The following CNBD1 variants were observed in gnomAD, a reference collection of about 807,000 sequenced individuals.
CNBD1 encodes the protein cyclic nucleotide-binding domain-containing protein 1.
A neutral mutation model predicts 54.4 loss-of-function variants in CNBD1; 71 were observed. That is an observed-to-expected ratio of 1.30 (90% CI 1.08 to 1.59). The LOEUF (loss-of-function observed/expected upper bound fraction) is 1.59. Among genes scored for constraint, CNBD1 ranks in the 40% most tolerant of loss-of-function variants. The pLI, the probability that CNBD1 is intolerant of heterozygous loss-of-function variation, is 0.00. For synonymous variants in CNBD1, 182 were observed against 170.7 expected (o/e 1.07, Z -0.51); for missense variants, 659 against 518.0 (o/e 1.27, Z -2.64).
chr8:87,026,363 CTCTCCCTCCCTCCCT>C (rs2130585508), intron 4 of CNBD1, among the ~76,000 whole-genome samples: 2 of 151,380 alleles, frequency 1.3e-5, no homozygotes, highest in East Asian at 3.9e-4. Flanking sequence ...CTCCCTCCCT[CTCTCCCTCCCTCCCT>C]TCTTCCCTTT....
At chr8:87,421,326 A>C (rs1017072646) in intron 2 of CNBD1, among the ~76,000 whole-genome samples, 4 of 150,792 alleles carry the variant, frequency 2.7e-5, no homozygotes, top group Non-Finnish European at 5.9e-5. Context: ...CACATTGTGC[A>C]GGTTAGTTAC....
chr8:87,175,150 G>A (rs539416476), intron 4 of CNBD1, among the ~76,000 whole-genome samples: 54 of 152,246 alleles, frequency 3.5e-4, no homozygotes, highest in African/African-American at 1.0e-3. Flanking sequence ...TGTTTCCTTC[G>A]CTTCAGGGTG....
At position 87,185,382 on chromosome 8, in the gene CNBD1, A is replaced by G. The variant is rs188591149; in HGVS notation, c.432-20611A>G. On this transcript the variant is annotated intron_variant, in intron 4 of 10. Transcript: ENST00000518476. Reference sequence around the variant, plus strand: ...GCGTAGTAATTTTTTATTGGGTGCCAGTTATTTTAATTTTACCTTGGTGGC... The same window carrying G: ...GCGTAGTAATTTTTTATTGGGTGCCGGTTATTTTAATTTTACCTTGGTGGC... Among the ~76,000 whole-genome samples the G allele has an allele frequency of 3.0e-3, 452 of 152,232 alleles. 7 individuals carry two copies. The Middle Eastern group carries it at 0.034, about 11-fold the overall frequency.
At chr8:87,318,072 T>A (rs1809437242) in intron 8 of CNBD1, among the ~76,000 whole-genome samples, 1 of 151,984 alleles carries the variant, frequency 6.6e-6, no homozygotes, top group Admixed American at 6.6e-5. Context: ...TTATATTATG[T>A]TTTTACTTAA....
At chr8:86,895,361 T>G (rs1808834770) in intron 2 of CNBD1, among the ~76,000 whole-genome samples, 4 of 152,188 alleles carry the variant, frequency 2.6e-5, no homozygotes, top group Admixed American at 2.6e-4. Flanking sequence ...TCCATTCACT[T>G]ATTGAAGCAC....
At chr8:87,317,537 T>C (rs1405869787) in intron 8 of CNBD1, among the ~76,000 whole-genome samples, 1 of 151,784 alleles carries the variant, frequency 6.6e-6, no homozygotes, top group Non-Finnish European at 1.5e-5. Flanking sequence ...ATTAATTGTG[T>C]AATTATTTTG....
chr8:87,066,948 A>G (rs1170607453), intron 4 of CNBD1, among the ~76,000 whole-genome samples: 3 of 152,002 alleles, frequency 2.0e-5, no homozygotes, highest in African/African-American at 7.2e-5. Flanking sequence ...GTTTGTAAAG[A>G]AAAAGCTTTG....
intron 8 of CNBD1, among the ~76,000 whole-genome samples, chr8:87,308,068 C>T (rs141589934): frequency 8.9e-4 from 135 of 152,172 alleles, no homozygotes; most frequent in Non-Finnish European, 9.6e-4. Context: ...GTCTTTACAG[C>T]CAACAAGCGA....
chr8:86,942,911 G>T (rs1458911602), intron 4 of CNBD1, among the ~76,000 whole-genome samples: 1 of 152,140 alleles, frequency 6.6e-6, no homozygotes, highest in Non-Finnish European at 1.5e-5. Flanking sequence ...TAAGTTGTCA[G>T]GTCTGTGGCC....
rs1049713463 is a variant in CNBD1 at position 87,129,985 on chromosome 8, A to C, written c.432-76008A>C. 2.4e-4 allele frequency among the ~76,000 whole-genome samples: 37 copies of C among 152,124 alleles called. 1 individual carries two copies. Among genetic ancestry groups the C allele is most frequent in the African/African-American group, 8.7e-4 (36 of 41,428 alleles). On this transcript the variant is annotated intron_variant, in intron 4 of 10. Transcript: ENST00000518476. ...AGTCATGTCTTAAATGGATGGCAGC[A>C]GGCAGAGAGAGAACTTGTGCAGGGG...
At chr8:86,901,789 C>A (rs1808937517) in intron 2 of CNBD1, among the ~76,000 whole-genome samples, 1 of 152,072 alleles carries the variant, frequency 6.6e-6, no homozygotes, top group African/African-American at 2.4e-5. Context: ...TTGGCACATC[C>A]TTCTGCCTTC....
chr8:87,059,454 T>G (rs998430367), intron 4 of CNBD1, among the ~76,000 whole-genome samples: 4 of 152,204 alleles, frequency 2.6e-5, no homozygotes, highest in African/African-American at 9.6e-5. Flanking sequence ...AAGAAATACC[T>G]GAGACTGGGT....
chr8:87,428,121 G>C (rs1222314780), intron 2 of CNBD1, among the ~76,000 whole-genome samples: 1 of 139,978 alleles, frequency 7.1e-6, no homozygotes, highest in African/African-American at 2.7e-5. Flanking sequence ...AGGAGCATAA[G>C]ATCCTCCCCC....
intron 4 of CNBD1, among the ~76,000 whole-genome samples, chr8:87,186,201 C>T (rs1000536496): frequency 6.6e-6 from 1 of 151,846 alleles, no homozygotes; most frequent in East Asian, 1.9e-4. Context: ...TAATTAAATA[C>T]CTATTTGATA....
chr8:87,101,378 A>G (rs1811426246), intron 4 of CNBD1, among the ~76,000 whole-genome samples: 1 of 152,084 alleles, frequency 6.6e-6, no homozygotes, highest in African/African-American at 2.4e-5. Context: ...AAAAACAAAT[A>G]TAGAGAAAAA....
At chr8:87,256,313 T>A (rs940679718) in intron 6 of CNBD1, among the ~76,000 whole-genome samples, 2 of 151,716 alleles carry the variant, frequency 1.3e-5, no homozygotes, top group Admixed American at 6.6e-5. Context: ...TGAGCCACTG[T>A]GCCTGGCCCA....
intron 10 of CNBD1, among the ~76,000 whole-genome samples, chr8:87,358,744 G>T (rs1810470609): frequency 6.6e-6 from 1 of 152,150 alleles, no homozygotes; most frequent in Non-Finnish European, 1.5e-5. Flanking sequence ...GGAACTGAGG[G>T]TGTAACTCCC....
At chr8:87,231,389 C>T (rs554761619) in intron 5 of CNBD1, among the ~76,000 whole-genome samples, 312 of 152,170 alleles carry the variant, frequency 2.1e-3, no homozygotes, top group African/African-American at 7.2e-3. Context: ...ATTACAAAGA[C>T]TAGTATAGTC....
At chr8:86,949,267 T>C (rs948611725) in intron 4 of CNBD1, among the ~76,000 whole-genome samples, 2 of 152,202 alleles carry the variant, frequency 1.3e-5, no homozygotes. Context: ...TTTAGGATTA[T>C]TTTTTCTCTT....
Sources: allele counts gnomAD v4.1 joint callset (sites outside exome capture counted in the v4.1 genomes callset), GRCh38; gene constraint gnomAD v4.1.1; transcripts MANE v1.5; gene names NCBI Gene and HGNC (gene_info 2026-07-23, HGNC 2026-07-21).